The following SGIP1 variants were observed in gnomAD, a reference collection of about 807,000 sequenced individuals.
SGIP1 encodes the protein SH3GL interacting endocytic adaptor 1.
A neutral mutation model predicts 107.5 loss-of-function variants in SGIP1; 38 were observed. That is an observed-to-expected ratio of 0.35 (90% CI 0.27 to 0.46). SGIP1 has a LOEUF of 0.46. Ranked by LOEUF, SGIP1 falls within the 20% of genes least tolerant of loss-of-function variation. SGIP1 has a pLI of 1.00. For synonymous variants in SGIP1, 365 were observed against 366.1 expected, an observed-to-expected ratio of 1.00 and a Z score of 0.03; for missense variants, 929 against 1,019.5, an observed-to-expected ratio of 0.91 and a Z score of 1.21.
At chr1:66,706,357 T>G (rs1346376361) in intron 18 of SGIP1, among the ~76,000 whole-genome samples, 1 of 146,440 alleles carries the variant, frequency 6.8e-6, no homozygotes, top group Non-Finnish European at 1.5e-5. Flanking sequence ...AAATAAATAT[T>G]TATACTATAA....
In SGIP1 at chr1:66,636,087, A is replaced by G. The variant is rs533539968; in HGVS notation, c.171+72A>G. 29 of 1,447,324 alleles carry G rather than the reference A, an allele frequency of 2.0e-5. No individual in the cohort carries two copies. The East Asian group carries it at 4.9e-4, about 24-fold the overall frequency. The allele number at this position is 1,447,324 out of a possible 1,614,324, so 89.7% of individuals were successfully genotyped here. A position where few individuals can be genotyped will look rare whatever the true frequency, so the allele number is the denominator to read the frequency against. On this transcript the variant is annotated intron_variant, in intron 4 of 24. Coordinates refer to ENST00000371037, the MANE Select transcript of SGIP1 (RefSeq NM_032291.4). ...ACAGTGAGTAAAATCCCAATTTAAA[A>G]TTTGGAAAACACAGTAGTTTTCATT...
In SGIP1 at chr1:66,589,214, A is replaced by ATGTGTGTGTGTGTGTGTGTGTGTG. The variant is rs1456083520; in HGVS notation, c.11-36632_11-36631insGTGTGTGTGTGTGTGTGTGTGTGT. Among the ~76,000 whole-genome samples, 17 of 91,352 alleles carry ATGTGTGTGTGTGTGTGTGTGTGTG rather than the reference A, an allele frequency of 1.9e-4. 1 individual carries two copies. The highest frequency in any genetic ancestry group is 2.3e-4 in the African/African-American group (5 of 21,390). The allele number at this position is 91,352 out of a possible 152,430, so 59.9% of individuals were successfully genotyped here. ...TATATATATATATATATATATATAT[A>ATGTGTGTGTGTGTGTGTGTGTGTG]TATGTAAGGCTTGGGGTAAAGAGAA... On this transcript the variant is annotated intron_variant, in intron 1 of 24. Coordinates refer to ENST00000371037, the MANE Select transcript of SGIP1 (RefSeq NM_032291.4).
intron 15 of SGIP1, among the ~76,000 whole-genome samples, chr1:66,683,174 C>T (rs1162857039): frequency 1.3e-5 from 2 of 152,140 alleles, no homozygotes; most frequent in Non-Finnish European, 2.9e-5. Context: ...CATACCAAAG[C>T]AATATCAATA....
chr1:66,581,496 T>A, intron 1 of SGIP1, among the ~76,000 whole-genome samples: 1 of 152,150 alleles, frequency 6.6e-6, no homozygotes, highest in Non-Finnish European at 1.5e-5. Flanking sequence ...TTTAATTGTA[T>A]ATAATAACTC....
chr1:66,634,361 G>C (rs1423434963), intron 3 of SGIP1, among the ~76,000 whole-genome samples: 2 of 152,048 alleles, frequency 1.3e-5, no homozygotes, highest in Non-Finnish European at 1.5e-5. Flanking sequence ...CCAAACCCCT[G>C]CTCATTGTCT....
intron 7 of SGIP1, among the ~76,000 whole-genome samples, chr1:66,646,720 G>A (rs1241889149): frequency 6.6e-6 from 1 of 152,144 alleles, no homozygotes; most frequent in Non-Finnish European, 1.5e-5. Context: ...TACTTCTCAA[G>A]ACAAAGTGTC....
intron 1 of SGIP1, among the ~76,000 whole-genome samples, chr1:66,611,446 T>C (rs2067980516): frequency 6.6e-6 from 1 of 152,236 alleles, no homozygotes; most frequent in Non-Finnish European, 1.5e-5. Flanking sequence ...GAGCTGTTGC[T>C]GGGGAGTGGC....
At chr1:66,541,070 T>TG (rs2054814473) in intron 1 of SGIP1, among the ~76,000 whole-genome samples, 2 of 152,246 alleles carry the variant, frequency 1.3e-5, no homozygotes. Flanking sequence ...AGTTTAATTT[T>TG]TCTCTATGTT....
At chr1:66,694,346 G>T in intron 17 of SGIP1, 1 of 1,017,396 alleles carries the variant, frequency 9.8e-7, no homozygotes, top group Non-Finnish European at 1.5e-6. Context: ...AATCATTCCT[G>T]TGTTTCAATC....
chr1:66,657,295 G>A (rs2079985165), intron 7 of SGIP1, among the ~76,000 whole-genome samples: 1 of 152,134 alleles, frequency 6.6e-6, no homozygotes, highest in African/African-American at 2.4e-5. Context: ...TGACTTTTAT[G>A]TCTTGATCCC....
intron 1 of SGIP1, among the ~76,000 whole-genome samples, chr1:66,570,532 T>G (rs1190410258): frequency 6.6e-6 from 1 of 151,946 alleles, no homozygotes; most frequent in African/African-American, 2.4e-5. Flanking sequence ...TCCCAACTAT[T>G]TGATCTTTGT....
At chr1:66,611,069 A>G (rs1570570831) in intron 1 of SGIP1, among the ~76,000 whole-genome samples, 1 of 152,224 alleles carries the variant, frequency 6.6e-6, no homozygotes, top group East Asian at 1.9e-4. Context: ...CCAAAATCTA[A>G]GAAATCAACA....
chr1:66,637,547 G>A (rs11208933), intron 4 of SGIP1, among the ~76,000 whole-genome samples: 20,324 of 149,550 alleles, frequency 0.14, 1,448 homozygotes, highest in Admixed American at 0.18. Flanking sequence ...TTTAGTATTC[G>A]TTTTTAAAGT....
intron 7 of SGIP1, among the ~76,000 whole-genome samples, chr1:66,648,517 C>A (rs1222849960): frequency 3.9e-5 from 6 of 152,184 alleles, no homozygotes. Flanking sequence ...TTGTTCACCA[C>A]ACAATGATTC....
At chr1:66,539,059 T>C (rs1049885953) in intron 1 of SGIP1, among the ~76,000 whole-genome samples, 3 of 152,162 alleles carry the variant, frequency 2.0e-5, no homozygotes, top group African/African-American at 7.2e-5. Context: ...TGCTTTTAAA[T>C]TATGAGTAAA....
At chr1:66,647,433 T>C (rs2149533137) in intron 7 of SGIP1, among the ~76,000 whole-genome samples, 1 of 152,280 alleles carries the variant, frequency 6.6e-6, no homozygotes, top group African/African-American at 2.4e-5. Context: ...TTTTGCTAGA[T>C]AAACATGTAG....
chr1:66,546,460 T>G (rs2056412912), intron 1 of SGIP1, among the ~76,000 whole-genome samples: 1 of 152,230 alleles, frequency 6.6e-6, no homozygotes, highest in Admixed American at 6.5e-5. Flanking sequence ...GTTTGTTGAG[T>G]GCAGAACATG....
chr1:66,555,219 C>T (rs2058015958), intron 1 of SGIP1, among the ~76,000 whole-genome samples: 1 of 152,060 alleles, frequency 6.6e-6, no homozygotes, highest in Non-Finnish European at 1.5e-5. Flanking sequence ...GTGTGCCCTC[C>T]TCATATACAT....
chr1:66,651,568 A>G (rs1287502827), intron 7 of SGIP1, among the ~76,000 whole-genome samples: 1 of 152,192 alleles, frequency 6.6e-6, no homozygotes, highest in Non-Finnish European at 1.5e-5. Flanking sequence ...AAACTCTTTG[A>G]AGGATATCGA....
Sources: gnomAD v4.1 joint callset for allele counts (sites outside exome capture counted in the v4.1 genomes callset) on GRCh38, gnomAD v4.1.1 for gene constraint, MANE v1.5 for transcripts, NCBI Gene and HGNC (gene_info 2026-07-23, HGNC 2026-07-21) for gene names.